The following ENTREP2 variants were observed in gnomAD, a reference collection of about 807,000 sequenced individuals.
ENTREP2 encodes the protein endosomal transmembrane epsin interactor 2.
chr15:29,511,204 A>G, the ENTREP2 span, among the ~76,000 whole-genome samples: 1 of 152,188 alleles, frequency 6.6e-6, no homozygotes, highest in Non-Finnish European at 1.5e-5. Context: ...AAATAAAAGA[A>G]AGAAAGAAAA....
the ENTREP2 span, among the ~76,000 whole-genome samples, chr15:29,514,025 T>A: frequency 6.6e-6 from 1 of 152,152 alleles, no homozygotes; most frequent in African/African-American, 2.4e-5. Flanking sequence ...AGAGCCCAGA[T>A]AGGGGGAGCA....
chr15:29,184,770 G>C, the ENTREP2 span, among the ~76,000 whole-genome samples: 1 of 152,192 alleles, frequency 6.6e-6, no homozygotes, highest in Non-Finnish European at 1.5e-5. Flanking sequence ...CTGCTCCTTT[G>C]TCCAGTGCCC....
the ENTREP2 span, among the ~76,000 whole-genome samples, chr15:29,144,521 G>A: frequency 1.3e-5 from 2 of 152,138 alleles, no homozygotes; most frequent in Admixed American, 1.3e-4. Context: ...TTGAGCCTAC[G>A]AGTTCGAGAC....
At chr15:29,300,847 T>A in the ENTREP2 span, among the ~76,000 whole-genome samples, 1 of 152,220 alleles carries the variant, frequency 6.6e-6, no homozygotes, top group Admixed American at 6.5e-5. Context: ...TCTGCCTGCC[T>A]GGGCCTCCCA....
chr15:29,409,261 A>G, the ENTREP2 span, among the ~76,000 whole-genome samples: 1 of 152,214 alleles, frequency 6.6e-6, no homozygotes, highest in Non-Finnish European at 1.5e-5. Flanking sequence ...CTTTGCTAGT[A>G]TAATCTAGAA....
At chr15:29,318,513 G>C in the ENTREP2 span, among the ~76,000 whole-genome samples, 30 of 152,108 alleles carry the variant, frequency 2.0e-4, no homozygotes, top group African/African-American at 6.5e-4. Context: ...GTAGAGACGG[G>C]GTTTCACCGT....
At chr15:29,579,859 C>T in the ENTREP2 span, among the ~76,000 whole-genome samples, 34 of 151,768 alleles carry the variant, frequency 2.2e-4, no homozygotes, top group Admixed American at 1.1e-3. Flanking sequence ...TACAGATGTC[C>T]GCCACCACAC....
the ENTREP2 span, among the ~76,000 whole-genome samples, chr15:29,533,476 C>T: frequency 6.6e-6 from 1 of 152,154 alleles, no homozygotes; most frequent in Non-Finnish European, 1.5e-5. Context: ...TAAGAAATAC[C>T]TCTCTATTTT....
At chr15:29,660,680 GCAA>G in the ENTREP2 span, among the ~76,000 whole-genome samples, 1 of 152,132 alleles carries the variant, frequency 6.6e-6, no homozygotes, top group African/African-American at 2.4e-5. Flanking sequence ...AAGTAGTAGT[GCAA>G]ATACACTCTG....
chr15:29,311,076 A>T, the ENTREP2 span, among the ~76,000 whole-genome samples: 1 of 149,584 alleles, frequency 6.7e-6, no homozygotes, highest in East Asian at 2.0e-4. Context: ...GAGATTGGGA[A>T]TTTTTTTTTT....
At chr15:29,625,470 A>G in the ENTREP2 span, among the ~76,000 whole-genome samples, 1 of 152,140 alleles carries the variant, frequency 6.6e-6, no homozygotes, top group Non-Finnish European at 1.5e-5. Context: ...ATCTCGGCTC[A>G]CTGCAACCTC....
chr15:29,366,883 C>T, the ENTREP2 span, among the ~76,000 whole-genome samples: 2 of 152,142 alleles, frequency 1.3e-5, no homozygotes, highest in Non-Finnish European at 2.9e-5. Flanking sequence ...ACAAGTGATT[C>T]CTATTTTAGG....
the ENTREP2 span, among the ~76,000 whole-genome samples, chr15:29,606,618 T>C: frequency 6.6e-6 from 1 of 152,124 alleles, no homozygotes; most frequent in African/African-American, 2.4e-5. Flanking sequence ...CATTCTCCTT[T>C]GGTATAAAGC....
At chr15:29,661,695 C>CTA in the ENTREP2 span, among the ~76,000 whole-genome samples, 1 of 152,128 alleles carries the variant, frequency 6.6e-6, no homozygotes, top group Non-Finnish European at 1.5e-5. Context: ...GCATCCAAGG[C>CTA]TATAATACAC....
At chr15:29,410,692 T>C in the ENTREP2 span, among the ~76,000 whole-genome samples, 1 of 152,226 alleles carries the variant, frequency 6.6e-6, no homozygotes, top group Non-Finnish European at 1.5e-5. Context: ...AACATTCACG[T>C]TCCTAAGATT....
the ENTREP2 span, among the ~76,000 whole-genome samples, chr15:29,579,686 A>ATTTTTTTTTTTTT: frequency 3.6e-5 from 2 of 55,816 alleles, no homozygotes; most frequent in African/African-American, 1.8e-4. Context: ...CACCCAGCTA[A>ATTTTTTTTTTTTT]TTTTTTTTTT....
At chr15:29,382,116 T>G in the ENTREP2 span, among the ~76,000 whole-genome samples, 1 of 151,986 alleles carries the variant, frequency 6.6e-6, no homozygotes, top group African/African-American at 2.4e-5. Context: ...TCGATGTGAT[T>G]TGGCTGTGCT....
chr15:29,335,529 T>C, the ENTREP2 span, among the ~76,000 whole-genome samples: 1 of 152,170 alleles, frequency 6.6e-6, no homozygotes, highest in Non-Finnish European at 1.5e-5. Context: ...AGGTCAGAAA[T>C]GCCAATAAAA....
chr15:29,278,496 G>T, the ENTREP2 span, among the ~76,000 whole-genome samples: 9 of 152,208 alleles, frequency 5.9e-5, no homozygotes, highest in Admixed American at 6.5e-5. Context: ...TTCAAGGTTG[G>T]GAGAGCCAGC....
Sources: allele counts gnomAD v4.1 joint callset (sites outside exome capture counted in the v4.1 genomes callset), GRCh38; gene constraint gnomAD v4.1.1; transcripts MANE v1.5; gene names NCBI Gene and HGNC (gene_info 2026-07-23, HGNC 2026-07-21).